COA8: variants seen among roughly 807,000 people sequenced by gnomAD.
COA8 encodes UPF0671 protein C14orf153.
Under a neutral mutation model 22.0 loss-of-function variants are expected in COA8, and 20 were observed. That is an observed-to-expected ratio of 0.91 (90% CI 0.64 to 1.32). COA8 has a LOEUF of 1.32. Among genes scored for constraint, COA8 ranks in the 40% most tolerant of loss-of-function variants. COA8 has a pLI of 0.00. For missense variants in COA8, 266 were observed against 230.0 expected, an observed-to-expected ratio of 1.16 and a Z score of -1.01; for synonymous variants, 105 against 79.9, an observed-to-expected ratio of 1.31 and a Z score of -1.68.
Position 103,571,777 on chromosome 14 carries a change from G to A in COA8, c.278G>A (p.Trp93Ter). ...AAATTAAGACAAGAAACACAAGAAT[G>A]GAATCAACAGTTCTGGGCAAACCAG... ...LRKLRQETQE[W>*]NQQFWANQNL... The change falls in exon 2 of 5, where the codon TGG (tryptophan) becomes TAG (stop). Residue 93 changes from tryptophan to a stop codon, truncating the protein, a stop_gained. Transcript: ENST00000409074. LOFTEE classifies it high-confidence loss of function. 6.2e-7 allele frequency: 1 copy of A among 1,614,098 alleles called. No homozygotes were observed. The highest frequency in any genetic ancestry group is 1.3e-5 in the African/African-American group (1 of 75,038).
chr14:103,584,562 C>T (rs143086442), intron 3 of COA8, among the ~76,000 whole-genome samples: 36 of 152,244 alleles, frequency 2.4e-4, no homozygotes, highest in Non-Finnish European at 4.6e-4. Flanking sequence ...CTTATGATCA[C>T]GAACTCTGTG....
At chr14:103,570,318 C>T (rs903888658) in intron 1 of COA8, among the ~76,000 whole-genome samples, 6 of 152,162 alleles carry the variant, frequency 3.9e-5, no homozygotes, top group Admixed American at 1.3e-4. Context: ...TTAACCCTGA[C>T]GATGAGCAGT....
chr14:103,587,490 T>C (rs1436399929), intron 4 of COA8, 126 bp downstream of exon 4: 3 of 481,808 alleles, frequency 6.2e-6, no homozygotes, highest in African/African-American at 2.0e-5. Flanking sequence ...CTTTATCAAC[T>C]TTTTTTTTTC....
At position 103,587,292 on chromosome 14, in the gene COA8, A is replaced by G. The variant is rs145119626; in HGVS notation, c.404A>G (p.Asn135Ser). 36 of 1,613,374 alleles carry G rather than the reference A, an allele frequency of 2.2e-5. No homozygotes were observed. The African/African-American group carries it at 4.8e-4, about 22-fold the overall frequency. ...RTESGQKATL[N>S]AEEMADFYKE... The stretch of plus-strand genomic sequence containing the variant: ...CTTTCAGGTCAGAAAGCAACATTGA[A>G]TGCAGAAGAAATGGCGGACTTCTAC... The change falls in exon 4 of 5, where the codon AAT becomes AGT. Residue 135 changes from asparagine to serine, a missense_variant. Coordinates refer to ENST00000409074, the MANE Select transcript of COA8 (RefSeq NM_001370595.2).
chr14:103,576,364 G>T (rs998208467), intron 3 of COA8, among the ~76,000 whole-genome samples: 1 of 152,126 alleles, frequency 6.6e-6, no homozygotes, highest in African/African-American at 2.4e-5. Flanking sequence ...TACATAGTTC[G>T]CAGCTGTAGA....
Position 103,581,808 on chromosome 14 carries a change from G to A in COA8, c.386-5466G>A, listed in dbSNP as rs888522779. On this transcript the variant is annotated intron_variant, in intron 3 of 4. Coordinates refer to ENST00000409074, the MANE Select transcript of COA8 (RefSeq NM_001370595.2). This position sits in a 1 kb window ranked among gnomAD's most constrained non-coding sequence, Gnocchi z 4.1. ...ACCTGCCCGGGCGGCCAGAGGACAC[G>A]TGGCTCCTGTCCTGTCTGCCGTGTG... 1.3e-5 allele frequency among the ~76,000 whole-genome samples: 2 copies of A among 152,222 alleles called. No individual in the cohort carries two copies. The highest frequency in any genetic ancestry group is 6.5e-5 in the Admixed American group (1 of 15,278).
At chr14:103,570,386 T>C (rs2142281748) in intron 1 of COA8, among the ~76,000 whole-genome samples, 1 of 152,260 alleles carries the variant, frequency 6.6e-6, no homozygotes, top group East Asian at 1.9e-4. Context: ...ACAGTTCTTC[T>C]TGCCCATTGC....
At chr14:103,590,147 C>G (rs747876266) in intron 4 of COA8, 34 bp from the exon 5 acceptor site, 1 of 1,591,130 alleles carries the variant, frequency 6.3e-7, no homozygotes, top group Admixed American at 1.7e-5. Context: ...GTCCCTGCCA[C>G]CGTGTCACCT....
At chr14:103,582,632 G>A (rs997237282) in intron 3 of COA8, among the ~76,000 whole-genome samples, 3 of 151,944 alleles carry the variant, frequency 2.0e-5, no homozygotes, top group African/African-American at 4.8e-5. Context: ...CCCGTCACTC[G>A]TTGTGTATGG....
chr14:103,565,058 A>G (rs1385667080), intron 1 of COA8, among the ~76,000 whole-genome samples: 8 of 152,060 alleles, frequency 5.3e-5, no homozygotes, highest in Non-Finnish European at 1.0e-4. Flanking sequence ...GGTTCAAGCA[A>G]TTCTCCTGCC....
chr14:103,570,694 C>G (rs1287465360), intron 1 of COA8, among the ~76,000 whole-genome samples: 1 of 152,184 alleles, frequency 6.6e-6, no homozygotes, highest in East Asian at 1.9e-4. Context: ...GATCACACCA[C>G]TGCACTCTAG....
intron 3 of COA8, among the ~76,000 whole-genome samples, chr14:103,585,348 A>G (rs57202218): frequency 0.56 from 83,006 of 148,004 alleles, 23,641 homozygotes; most frequent in Middle Eastern, 0.64. Flanking sequence ...GCGTGGTGGC[A>G]CATACCTGTA....
intron 4 of COA8, among the ~76,000 whole-genome samples, chr14:103,588,480 A>AAAATAT (rs1555414271): frequency 1.7e-4 from 24 of 143,808 alleles, no homozygotes; most frequent in African/African-American, 5.2e-4. Context: ...TAATTAAAAA[A>AAAATAT]ATATATATAT....
chr14:103,578,928 C>T (rs775106215), intron 3 of COA8, among the ~76,000 whole-genome samples: 5 of 152,168 alleles, frequency 3.3e-5, no homozygotes, highest in African/African-American at 9.7e-5. Flanking sequence ...TCATGAGGTG[C>T]GCGGTTGCTG....
At chr14:103,570,876 G>T (rs1397335207) in intron 1 of COA8, among the ~76,000 whole-genome samples, 1 of 152,176 alleles carries the variant, frequency 6.6e-6, no homozygotes, top group Non-Finnish European at 1.5e-5. Flanking sequence ...TAGGCAATGG[G>T]TGCTTGCTGC....
rs755897412 is a variant in COA8 at position 103,581,771 on chromosome 14, C to T, written c.386-5503C>T. On this transcript the variant is annotated intron_variant, in intron 3 of 4. Coordinates refer to ENST00000409074, the MANE Select transcript of COA8 (RefSeq NM_001370595.2). The surrounding 1 kb of genome is among the most constrained non-coding windows in gnomAD (Gnocchi z 4.1). ...TGTAGAGTTAAACTGTTCTTCATTC[C>T]GGTGGCACTAGACCTGCCCGGGCGG... 11 of 394,922 alleles carry T rather than the reference C, an allele frequency of 2.8e-5. No individual in the cohort carries two copies. The highest frequency in any genetic ancestry group is 1.4e-4 in the South Asian group (1 of 7,076). 24.5% of individuals were successfully genotyped at this position (394,922 alleles called of 1,614,324 possible).
chr14:103,588,480 A>AATATAT (rs926508233), intron 4 of COA8, among the ~76,000 whole-genome samples: 127 of 143,900 alleles, frequency 8.8e-4, no homozygotes, highest in African/African-American at 2.6e-3. Context: ...TAATTAAAAA[A>AATATAT]ATATATATAT....
chr14:103,575,423 T>C (rs772434868), intron 3 of COA8, among the ~76,000 whole-genome samples: 11 of 152,182 alleles, frequency 7.2e-5, no homozygotes, highest in African/African-American at 1.2e-4. Context: ...AAGGGAAACA[T>C]ACAGGGAGCT....
chr14:103,569,254 G>A (rs906690744), intron 1 of COA8, among the ~76,000 whole-genome samples: 1 of 152,156 alleles, frequency 6.6e-6, no homozygotes, highest in African/African-American at 2.4e-5. Flanking sequence ...CAAGCTGCTT[G>A]TCCTCGCTTT....
Sources: allele counts gnomAD v4.1 joint callset (sites outside exome capture counted in the v4.1 genomes callset), GRCh38; gene constraint gnomAD v4.1.1; non-coding constraint Gnocchi (gnomAD v3.1); transcripts MANE v1.5; gene names NCBI Gene and HGNC (gene_info 2026-07-23, HGNC 2026-07-21).